ZBTB7C: variants seen among roughly 807,000 people sequenced by gnomAD.
The protein encoded by ZBTB7C is zinc finger and BTB domain containing 7C.
A neutral mutation model predicts 25.7 loss-of-function variants in ZBTB7C; 8 were observed. The observed-to-expected ratio is 0.31, with a 90% confidence interval of 0.18 to 0.56. The LOEUF (loss-of-function observed/expected upper bound fraction) is 0.56, where lower values mean the gene tolerates loss of function less well. ZBTB7C is among the 20% of genes least tolerant of loss of function. ZBTB7C has a pLI of 0.91. For synonymous variants in ZBTB7C, 394 were observed against 369.0 expected, an observed-to-expected ratio of 1.07 and a Z score of -0.78; for missense variants, 824 against 855.2, an observed-to-expected ratio of 0.96 and a Z score of 0.46.
intron 1 of ZBTB7C, among the ~76,000 whole-genome samples, chr18:48,369,396 T>C (rs1273784632): frequency 2.6e-5 from 4 of 151,074 alleles, no homozygotes; most frequent in Admixed American, 6.6e-5. Flanking sequence ...ACAGAGAGAA[T>C]AGATAAAAAA....
intron 2 of ZBTB7C, among the ~76,000 whole-genome samples, chr18:48,222,259 C>G (rs1360192966): frequency 1.3e-5 from 2 of 152,176 alleles, no homozygotes; most frequent in Non-Finnish European, 2.9e-5. Flanking sequence ...TCCTGTGAAC[C>G]CGGATACTGC....
At chr18:48,165,294 G>A in intron 3 of ZBTB7C, 1 of 464,992 alleles carries the variant, frequency 2.2e-6, no homozygotes. Context: ...AGTTCCTCAT[G>A]CATTCGAATC....
chr18:48,137,843 A>C (rs2040223670), intron 3 of ZBTB7C, among the ~76,000 whole-genome samples: 1 of 152,196 alleles, frequency 6.6e-6, no homozygotes, highest in South Asian at 2.1e-4. Flanking sequence ...GCCAGCCACC[A>C]ATCACAGAGG....
chr18:48,345,866 T>G (rs2046719320), intron 1 of ZBTB7C, among the ~76,000 whole-genome samples: 1 of 152,196 alleles, frequency 6.6e-6, no homozygotes, highest in Non-Finnish European at 1.5e-5. Flanking sequence ...TCATTTCCCA[T>G]CTCTGAACCT....
At chr18:48,159,986 C>G (rs781344525) in intron 3 of ZBTB7C, among the ~76,000 whole-genome samples, 1 of 152,222 alleles carries the variant, frequency 6.6e-6, no homozygotes, top group Non-Finnish European at 1.5e-5. Flanking sequence ...TCTTTTGCAA[C>G]CTGTTCAGAT....
At chr18:48,179,364 T>G (rs1198143923) in intron 3 of ZBTB7C, among the ~76,000 whole-genome samples, 1 of 152,176 alleles carries the variant, frequency 6.6e-6, no homozygotes, top group East Asian at 1.9e-4. Context: ...TGCATGTCAC[T>G]TGGGGGCCTT....
At chr18:48,411,235 A>G (rs1228414655), upstream of ZBTB7C, among the ~76,000 whole-genome samples, 1 of 149,204 alleles carries the variant, frequency 6.7e-6, no homozygotes, top group African/African-American at 2.4e-5. Context: ...TGCCAAAGAG[A>G]TCTGGTTTTT....
chr18:48,405,731 G>A (rs987437364), intron 1 of ZBTB7C, among the ~76,000 whole-genome samples: 1 of 149,866 alleles, frequency 6.7e-6, no homozygotes, highest in African/African-American at 2.5e-5. Flanking sequence ...CACACAGGCC[G>A]GGGTTCACTC....
Position 48,166,536 on chromosome 18 carries a change from C to T in ZBTB7C, c.-17+19398G>A, listed in dbSNP as rs73431347. ...GTGGGAGTCCCAACATGAGTGATGTCATCACAGGGAGGGCCAGTCCTGTGG... is the reference window on the plus strand; with the variant it reads ...GTGGGAGTCCCAACATGAGTGATGTTATCACAGGGAGGGCCAGTCCTGTGG... On this transcript the variant is annotated intron_variant, in intron 3 of 4. Coordinates refer to ENST00000590800, the MANE Select transcript of ZBTB7C (RefSeq NM_001318841.2). Among the ~76,000 whole-genome samples the T allele has an allele frequency of 2.5e-3, 387 of 152,286 alleles. 1 individual carries two copies. The highest frequency in any genetic ancestry group is 9.2e-3 in the African/African-American group (382 of 41,548).
chr18:48,104,802 G>T (rs908573393), intron 3 of ZBTB7C, among the ~76,000 whole-genome samples: 1 of 152,210 alleles, frequency 6.6e-6, no homozygotes, highest in Non-Finnish European at 1.5e-5. Flanking sequence ...AGCAGGACAT[G>T]TGGGGGTACA....
At chr18:48,177,222 T>C (rs1205190354) in intron 3 of ZBTB7C, among the ~76,000 whole-genome samples, 1 of 152,088 alleles carries the variant, frequency 6.6e-6, no homozygotes, top group African/African-American at 2.4e-5. Flanking sequence ...AGCAAAGTGG[T>C]CCCCTCGCCC....
At chr18:48,412,020 A>C (rs184579287), upstream of ZBTB7C, among the ~76,000 whole-genome samples, 391 of 152,364 alleles carry the variant, frequency 2.6e-3, no homozygotes, top group Non-Finnish European at 4.6e-3. Flanking sequence ...ATCCTAGAAA[A>C]AAAGCATGTC....
intron 1 of ZBTB7C, among the ~76,000 whole-genome samples, chr18:48,351,724 G>C (rs1453462744): frequency 1.3e-5 from 2 of 152,218 alleles, no homozygotes; most frequent in Non-Finnish European, 2.9e-5. Context: ...AAGACAGGAA[G>C]CCTTTGACAG....
intron 1 of ZBTB7C, among the ~76,000 whole-genome samples, chr18:48,386,442 T>C (rs1484562699): frequency 6.6e-6 from 1 of 152,090 alleles, no homozygotes; most frequent in East Asian, 1.9e-4. Flanking sequence ...AGACAGTGAG[T>C]GGATGTCAAC....
intron 2 of ZBTB7C, among the ~76,000 whole-genome samples, chr18:48,332,006 A>G (rs886923954): frequency 2.0e-5 from 3 of 152,226 alleles, no homozygotes; most frequent in African/African-American, 7.2e-5. Context: ...ACTTCAGTAT[A>G]TAACACTGTC....
At chr18:48,165,544 CT>C in intron 3 of ZBTB7C, 1 of 199,070 alleles carries the variant, frequency 5.0e-6, no homozygotes, top group Non-Finnish European at 1.0e-5. Flanking sequence ...AAGACAAAGC[CT>C]TTCCCTCTGT....
At chr18:48,362,793 C>G (rs1010898861) in intron 1 of ZBTB7C, among the ~76,000 whole-genome samples, 2 of 152,132 alleles carry the variant, frequency 1.3e-5, no homozygotes, top group Non-Finnish European at 2.9e-5. Flanking sequence ...ACAGGAGTTC[C>G]TTACCTCCTA....
chr18:48,289,870 T>C (rs895516054), intron 2 of ZBTB7C, among the ~76,000 whole-genome samples: 7 of 152,300 alleles, frequency 4.6e-5, no homozygotes, highest in Non-Finnish European at 8.8e-5. Flanking sequence ...ATGTTAGTCA[T>C]GATAGCAGTT....
At chr18:48,097,421 G>C (rs565091428) in intron 3 of ZBTB7C, among the ~76,000 whole-genome samples, 2 of 112,952 alleles carry the variant, frequency 1.8e-5, no homozygotes, top group Admixed American at 1.8e-4. Flanking sequence ...TATTGAGACA[G>C]AGTCTTGCTC....
Sources: gnomAD v4.1 joint callset for allele counts (sites outside exome capture counted in the v4.1 genomes callset) on GRCh38, gnomAD v4.1.1 for gene constraint, MANE v1.5 for transcripts, NCBI Gene and HGNC (gene_info 2026-07-23, HGNC 2026-07-21) for gene names.